The following CIMAP1D variants were observed in gnomAD, a reference collection of about 807,000 sequenced individuals.
The protein encoded by CIMAP1D is CIMAP1 family member D.
chr19:470,038 C>G, the CIMAP1D span, among the ~76,000 whole-genome samples: 2 of 152,100 alleles, frequency 1.3e-5, no homozygotes, highest in Non-Finnish European at 1.5e-5. Flanking sequence ...ATTCATCCTA[C>G]AAAACCCAGA....
chr19:469,041 C>G, the CIMAP1D span, among the ~76,000 whole-genome samples: 1 of 152,180 alleles, frequency 6.6e-6, no homozygotes, highest in Non-Finnish European at 1.5e-5. Flanking sequence ...GGCACAAGTA[C>G]TTGCACATAC....
chr19:488,867 G>A, the CIMAP1D span, among the ~76,000 whole-genome samples: 2 of 152,080 alleles, frequency 1.3e-5, no homozygotes, highest in Non-Finnish European at 2.9e-5. Context: ...CGGCCGCCCC[G>A]TGCCGGGCCC....
chr19:466,140 A>T, the CIMAP1D span, among the ~76,000 whole-genome samples: 2,466 of 99,652 alleles, frequency 0.025, 64 homozygotes, highest in African/African-American at 0.072. Context: ...TGGATGGATG[A>T]GTGAATGGAT....
the CIMAP1D span, among the ~76,000 whole-genome samples, chr19:479,424 G>GGGGGA: frequency 2.1e-5 from 2 of 97,138 alleles, no homozygotes; most frequent in Non-Finnish European, 4.1e-5. Flanking sequence ...GGGGGGGGGG[G>GGGGGA]ATGGAGTTTC....
the CIMAP1D span, chr19:472,523 T>C: frequency 6.7e-7 from 1 of 1,501,974 alleles, no homozygotes; most frequent in Non-Finnish European, 9.0e-7. Flanking sequence ...AGCCCTCAGG[T>C]CACCTCCTGG....
At chr19:468,621 C>A in the CIMAP1D span, among the ~76,000 whole-genome samples, 5 of 151,966 alleles carry the variant, frequency 3.3e-5, no homozygotes, top group South Asian at 8.3e-4. Flanking sequence ...CTTGCACTTC[C>A]CGATTGAGAC....
At chr19:464,364 C>G in the CIMAP1D span, 1 of 1,529,324 alleles carries the variant, frequency 6.5e-7, no homozygotes, top group Non-Finnish European at 8.9e-7. Context: ...CACCTCCGGA[C>G]CTGAGAGAGT....
At chr19:466,947 C>T in the CIMAP1D span, among the ~76,000 whole-genome samples, 531 of 15,798 alleles carry the variant, frequency 0.034, 2 homozygotes, top group African/African-American at 0.087. Flanking sequence ...GGTGGATGGG[C>T]GGGTGGATAG....
the CIMAP1D span, among the ~76,000 whole-genome samples, chr19:488,025 T>C: frequency 6.6e-6 from 1 of 152,074 alleles, no homozygotes; most frequent in Non-Finnish European, 1.5e-5. Context: ...CCCCTGCTTG[T>C]TCAATCGATC....
At chr19:486,688 G>A in the CIMAP1D span, among the ~76,000 whole-genome samples, 1 of 151,630 alleles carries the variant, frequency 6.6e-6, no homozygotes, top group Non-Finnish European at 1.5e-5. Flanking sequence ...GCTGAGGCGA[G>A]CAGATCACGA....
At chr19:487,627 A>G in the CIMAP1D span, among the ~76,000 whole-genome samples, 2 of 151,986 alleles carry the variant, frequency 1.3e-5, 1 homozygote, top group Middle Eastern at 6.3e-3. Context: ...TGGAGATCGC[A>G]CCACTGCGCT....
chr19:467,763 C>G, the CIMAP1D span: 17 of 1,583,158 alleles, frequency 1.1e-5, no homozygotes, highest in African/African-American at 1.3e-5. Context: ...TGAGGTGGTG[C>G]TGGGGAGAGG....
chr19:464,093 G>C, the CIMAP1D span: 1 of 1,334,058 alleles, frequency 7.5e-7, no homozygotes, highest in Non-Finnish European at 9.8e-7. Context: ...CCGGGCTGTC[G>C]TACTGGCCCG....
At chr19:485,581 C>T in the CIMAP1D span, among the ~76,000 whole-genome samples, 2 of 152,230 alleles carry the variant, frequency 1.3e-5, no homozygotes, top group African/African-American at 4.8e-5. Flanking sequence ...GGGAATGAGG[C>T]GGCCCTGACC....
the CIMAP1D span, chr19:489,848 G>A: frequency 2.6e-6 from 1 of 381,854 alleles, no homozygotes; most frequent in Non-Finnish European, 4.6e-6. Context: ...GTCGTCCTCA[G>A]AGGCCGCCGG....
At chr19:472,876 A>G in the CIMAP1D span, among the ~76,000 whole-genome samples, 3 of 142,984 alleles carry the variant, frequency 2.1e-5, no homozygotes, top group Admixed American at 2.2e-4. Flanking sequence ...ACAGATGGGG[A>G]AACTGAGGCC....
the CIMAP1D span, among the ~76,000 whole-genome samples, chr19:473,023 G>T: frequency 9.3e-6 from 1 of 107,998 alleles, no homozygotes; most frequent in South Asian, 4.6e-4. Context: ...GAGATACATG[G>T]TCACAGATGG....
the CIMAP1D span, among the ~76,000 whole-genome samples, chr19:483,902 C>A: frequency 1.3e-5 from 2 of 152,156 alleles, no homozygotes; most frequent in Non-Finnish European, 2.9e-5. Flanking sequence ...CTCTTCTGTG[C>A]GGCACGGGAA....
chr19:468,958 A>G, the CIMAP1D span, among the ~76,000 whole-genome samples: 1 of 121,922 alleles, frequency 8.2e-6, no homozygotes, highest in Non-Finnish European at 1.8e-5. Flanking sequence ...ACGTCATCCA[A>G]ACCTTTGCCC....
Sources: allele counts gnomAD v4.1 joint callset (sites outside exome capture counted in the v4.1 genomes callset), GRCh38; gene constraint gnomAD v4.1.1; transcripts MANE v1.5; gene names NCBI Gene and HGNC (gene_info 2026-07-23, HGNC 2026-07-21).